MEMO1: variants seen among roughly 807,000 people sequenced by gnomAD.
MEMO1 encodes protein MEMO1.
MEMO1 carries 6 observed loss-of-function variants against 45.2 expected under a neutral mutation model. That is an observed-to-expected ratio of 0.13 (90% confidence interval 0.07 to 0.26). The LOEUF (loss-of-function observed/expected upper bound fraction) is 0.26. Among genes scored for constraint, MEMO1 ranks in the 10% least tolerant of loss-of-function variants. The pLI, the probability that MEMO1 is intolerant of heterozygous loss-of-function variation, is 1.00. For synonymous variants in MEMO1, 78 were observed against 124.3 expected, an observed-to-expected ratio of 0.63 and a Z score of 2.48; for missense variants, 184 against 370.5, an observed-to-expected ratio of 0.50 and a Z score of 4.13.
chr2:31,934,987 GGATAAT>G (rs1240173526), intron 3 of MEMO1, among the ~76,000 whole-genome samples: 1 of 152,084 alleles, frequency 6.6e-6, no homozygotes, highest in Non-Finnish European at 1.5e-5. Flanking sequence ...ATGATGAAAA[GGATAAT>G]GATAATAATA....
chr2:31,928,760 G>A (rs899669287), intron 4 of MEMO1, among the ~76,000 whole-genome samples: 28 of 151,906 alleles, frequency 1.8e-4, no homozygotes, highest in African/African-American at 5.1e-4. Flanking sequence ...ATTAGCATTC[G>A]TTATAATAAT....
chr2:32,005,282 G>A (rs1673919831), intron 2 of MEMO1, among the ~76,000 whole-genome samples: 6 of 145,612 alleles, frequency 4.1e-5, no homozygotes, highest in Admixed American at 2.8e-4. Context: ...ATCGAGCCAC[G>A]GCACTCTAGC....
In MEMO1 at chr2:31,932,150, A is replaced by T; in HGVS notation, c.144-15T>A. Reference sequence around the variant, plus strand: ...ATCCTGCATGGCTACAAAACAAAATATTTTTAAACTTAATCATCAGATTCA... The same window carrying T: ...ATCCTGCATGGCTACAAAACAAAATTTTTTTAAACTTAATCATCAGATTCA... On this transcript the variant is annotated splice_polypyrimidine_tract_variant and intron_variant, in intron 3 of 9. Coordinates refer to ENST00000404530, the MANE Select transcript of MEMO1 (RefSeq NM_001301833.4). The T allele has an allele frequency of 6.2e-7, 1 of 1,607,822 alleles. No individual in the cohort carries two copies. Among genetic ancestry groups the T allele is most frequent in the Non-Finnish European group, 8.5e-7 (1 of 1,176,096 alleles).
rs529672750 is a variant in MEMO1, at chr2:31,966,444, G to A, written c.62-23061C>T. Among the ~76,000 whole-genome samples, 8 of 152,220 alleles carry A rather than the reference G, an allele frequency of 5.3e-5. No individual in the cohort carries two copies. The South Asian group carries it at 1.0e-3, about 20-fold the overall frequency. Reference sequence around the variant, plus strand: ...TAATAACTATTTGCCATTAAAACTAGGTCTGGCCAGGCGCGGTGGCTCACG... The same window carrying A: ...TAATAACTATTTGCCATTAAAACTAAGTCTGGCCAGGCGCGGTGGCTCACG... On this transcript the variant is annotated intron_variant, in intron 2 of 9. Coordinates refer to ENST00000404530, the MANE Select transcript of MEMO1 (RefSeq NM_001301833.4).
At chr2:31,946,557 G>A (rs1441638756) in intron 2 of MEMO1, among the ~76,000 whole-genome samples, 1 of 152,118 alleles carries the variant, frequency 6.6e-6, no homozygotes, top group African/African-American at 2.4e-5. Flanking sequence ...ATTCCATAGT[G>A]ATCCAATAAG....
Position 31,921,072 on chromosome 2 carries a change from G to C in MEMO1, c.213-162C>G, listed in dbSNP as rs577865008. 3.3e-5 allele frequency among the ~76,000 whole-genome samples: 5 copies of C among 152,256 alleles called. No individual in the cohort carries two copies. The East Asian group carries it at 7.7e-4, about 24-fold the overall frequency. On this transcript the variant is annotated intron_variant, in intron 4 of 9. Coordinates refer to ENST00000404530, the MANE Select transcript of MEMO1 (RefSeq NM_001301833.4). ...TCCCCTCCAAAATTCACATGTTGAA[G>C]AACCAATCCCCAGTAGCACAGACTG...
chr2:32,004,361 A>G (rs905762494), intron 2 of MEMO1, among the ~76,000 whole-genome samples: 11 of 152,196 alleles, frequency 7.2e-5, no homozygotes, highest in African/African-American at 2.7e-4. Context: ...AAGATTTAAC[A>G]GACACTTCAC....
chr2:31,908,323 T>C (rs1282121881), intron 6 of MEMO1, among the ~76,000 whole-genome samples: 1 of 152,132 alleles, frequency 6.6e-6, no homozygotes, highest in African/African-American at 2.4e-5. Context: ...AGGTGCTAGT[T>C]AAGATTTCAG....
chr2:31,891,362 A>AGCTCACTTCTCTTACAACGT (rs1385614293), intron 7 of MEMO1, among the ~76,000 whole-genome samples: 6 of 152,174 alleles, frequency 3.9e-5, no homozygotes, highest in African/African-American at 1.4e-4. Context: ...ATCCACAAAC[A>AGCTCACTTCTCTTACAACGT]GCTCACTTCT....
chr2:31,879,404 C>T (rs1019572007), intron 8 of MEMO1, among the ~76,000 whole-genome samples: 1 of 152,168 alleles, frequency 6.6e-6, no homozygotes, highest in African/African-American at 2.4e-5. Context: ...TTTGTTCCTA[C>T]TCCTTATACT....
At position 31,868,499 on chromosome 2, in the gene MEMO1, A is replaced by G. The variant is rs750028624; in HGVS notation, c.763-7T>C. On this transcript the variant is annotated splice_region_variant and splice_polypyrimidine_tract_variant and intron_variant, in intron 9 of 9. Transcript: ENST00000404530. ...TCTGGAGCTCTGTGATAGCCTAGAA[A>G]AAAGAAAAATTTGGTTAGGACACAC... The G allele has an allele frequency of 6.9e-6, 11 of 1,593,706 alleles. No individual in the cohort carries two copies. Among genetic ancestry groups the G allele is most frequent in the Middle Eastern group, 1.7e-4 (1 of 5,996 alleles).
intron 2 of MEMO1, among the ~76,000 whole-genome samples, chr2:31,982,296 C>T (rs573793654): frequency 9.6e-4 from 109 of 113,060 alleles, no homozygotes; most frequent in African/African-American, 3.0e-3. Context: ...ACTCTGTCTT[C>T]GAAAAAAAAA....
At position 31,936,241 on chromosome 2, in the gene MEMO1, C is replaced by A. The variant is rs2148282557; in HGVS notation, c.144-4106G>T. Among the ~76,000 whole-genome samples, 2 of 152,286 alleles carry A rather than the reference C, an allele frequency of 1.3e-5. 1 individual carries two copies. The highest frequency in any genetic ancestry group is 4.1e-4 in the South Asian group (2 of 4,828). ...CCTCCCAAAGTGCTGGGATTACAGG[C>A]ATGAGCCACCGCGCCTGGCCTGTCC... On this transcript the variant is annotated intron_variant, in intron 3 of 9. Coordinates refer to ENST00000404530, the MANE Select transcript of MEMO1 (RefSeq NM_001301833.4).
At chr2:31,903,470 C>G (rs992029851) in intron 6 of MEMO1, among the ~76,000 whole-genome samples, 2 of 152,100 alleles carry the variant, frequency 1.3e-5, no homozygotes, top group African/African-American at 4.8e-5. Context: ...AAAATCTTTA[C>G]GCTGATAAAA....
chr2:31,957,044 A>C (rs1419066914), intron 2 of MEMO1, among the ~76,000 whole-genome samples: 1 of 152,050 alleles, frequency 6.6e-6, no homozygotes, highest in Non-Finnish European at 1.5e-5. Context: ...CGGGAGGCTG[A>C]AGCAGGAGAA....
At chr2:31,979,931 G>A (rs1315005158) in intron 2 of MEMO1, among the ~76,000 whole-genome samples, 2 of 150,000 alleles carry the variant, frequency 1.3e-5, no homozygotes, top group African/African-American at 4.9e-5. Context: ...GTAGAAACTA[G>A]CCATTTATTA....
intron 2 of MEMO1, among the ~76,000 whole-genome samples, chr2:32,001,977 C>G (rs1673376137): frequency 6.6e-6 from 1 of 151,452 alleles, no homozygotes; most frequent in African/African-American, 2.4e-5. Context: ...GAAACCCCGT[C>G]TCTACTAAAA....
intron 3 of MEMO1, among the ~76,000 whole-genome samples, chr2:31,936,640 A>G (rs1034987994): frequency 2.8e-4 from 42 of 152,238 alleles, no homozygotes; most frequent in African/African-American, 1.0e-3. Context: ...CAATGTGGGT[A>G]TAATTCAAAT....
At chr2:31,926,633 G>A (rs927292190) in intron 4 of MEMO1, among the ~76,000 whole-genome samples, 3 of 152,096 alleles carry the variant, frequency 2.0e-5, no homozygotes, top group African/African-American at 7.2e-5. Flanking sequence ...TGGATCACCT[G>A]AAGTCAGCAG....
Sources: allele counts gnomAD v4.1 joint callset (sites outside exome capture counted in the v4.1 genomes callset), GRCh38; gene constraint gnomAD v4.1.1; transcripts MANE v1.5; gene names NCBI Gene and HGNC (gene_info 2026-07-23, HGNC 2026-07-21).